The following ATG10 variants were observed in gnomAD, a reference collection of about 807,000 sequenced individuals.
ATG10 encodes ubiquitin-like-conjugating enzyme ATG10.
Under a neutral mutation model 32.1 loss-of-function variants are expected in ATG10, and 30 were observed. The observed-to-expected ratio is 0.94, with a 90% CI of 0.70 to 1.27. The LOEUF (loss-of-function observed/expected upper bound fraction) is 1.27, where lower values mean the gene tolerates loss of function less well. ATG10 is among the 50% of genes most tolerant of loss of function. ATG10 has a pLI of 0.00. For synonymous variants in ATG10, 87 were observed against 91.5 expected (o/e 0.95, Z 0.28); for missense variants, 233 against 262.3 (o/e 0.89, Z 0.77).
intron 2 of ATG10, among the ~76,000 whole-genome samples, chr5:82,014,021 A>G (rs1373473788): frequency 6.6e-6 from 1 of 152,148 alleles, no homozygotes; most frequent in South Asian, 2.1e-4. Flanking sequence ...AGATTCTGGT[A>G]TGTTGTGTCT....
intron 3 of ATG10, among the ~76,000 whole-genome samples, chr5:82,101,235 C>T (rs1031108972): frequency 6.6e-6 from 1 of 152,028 alleles, no homozygotes; most frequent in South Asian, 2.1e-4. Context: ...CTGAGTACTC[C>T]GACTCTGATA....
At chr5:82,208,083 T>C (rs1745366683) in intron 5 of ATG10, among the ~76,000 whole-genome samples, 1 of 152,238 alleles carries the variant, frequency 6.6e-6, no homozygotes, top group African/African-American at 2.4e-5. Context: ...AAAAAGATTG[T>C]GCTTTCTGCA....
chr5:82,248,676 C>T (rs1747128083), intron 5 of ATG10, among the ~76,000 whole-genome samples: 1 of 152,040 alleles, frequency 6.6e-6, no homozygotes, highest in Non-Finnish European at 1.5e-5. Context: ...CCTCTTTATT[C>T]TATCACAGCT....
chr5:82,034,360 C>CT (rs1357172951), intron 2 of ATG10, among the ~76,000 whole-genome samples: 1 of 152,190 alleles, frequency 6.6e-6, no homozygotes, highest in Non-Finnish European at 1.5e-5. Context: ...CCTAATAACT[C>CT]TATCTTCCAC....
Position 82,090,487 on chromosome 5 carries a change from A to G in ATG10, c.216+31885A>G, listed in dbSNP as rs554482835. On this transcript the variant is annotated intron_variant, in intron 3 of 7. Coordinates refer to ENST00000282185, the MANE Select transcript of ATG10 (RefSeq NM_031482.5). Reference sequence around the variant, plus strand: ...ATCAATGGCCAGAGAATGATGCTGAATGAATAGAGTCAGTCTTACAAGGTC... The same window carrying G: ...ATCAATGGCCAGAGAATGATGCTGAGTGAATAGAGTCAGTCTTACAAGGTC... Among the ~76,000 whole-genome samples, 18 of 152,348 alleles carry G rather than the reference A, an allele frequency of 1.2e-4. No homozygotes were observed. In the East Asian group the frequency reaches 3.3e-3, roughly 28 times the overall value.
chr5:82,168,266 A>C (rs1300406751), intron 4 of ATG10, among the ~76,000 whole-genome samples: 1 of 152,196 alleles, frequency 6.6e-6, no homozygotes, highest in Admixed American at 6.5e-5. Flanking sequence ...CCTTAGGCAC[A>C]TACATAATGG....
At chr5:82,031,529 C>T (rs1022010654) in intron 2 of ATG10, among the ~76,000 whole-genome samples, 1 of 152,232 alleles carries the variant, frequency 6.6e-6, no homozygotes, top group Non-Finnish European at 1.5e-5. Flanking sequence ...GCTGTGCCTG[C>T]ATTCACCACT....
chr5:81,990,841 C>G (rs1761431719), intron 2 of ATG10, among the ~76,000 whole-genome samples: 1 of 152,202 alleles, frequency 6.6e-6, no homozygotes, highest in Non-Finnish European at 1.5e-5. Flanking sequence ...CCAAGTGTTA[C>G]CAGATCTTTT....
At chr5:81,976,005 C>CTT (rs568050352) in intron 1 of ATG10, among the ~76,000 whole-genome samples, 2 of 142,944 alleles carry the variant, frequency 1.4e-5, no homozygotes, top group African/African-American at 2.6e-5. Context: ...TTTATTTTAT[C>CTT]TTTTTTTTTT....
chr5:81,999,151 A>G (rs6863967), intron 2 of ATG10, among the ~76,000 whole-genome samples: 12,402 of 151,758 alleles, frequency 0.082, 791 homozygotes, highest in African/African-American at 0.18. Flanking sequence ...GCCAAAAAAA[A>G]AAAAAAAAGC....
At chr5:82,024,182 A>T (rs6887583) in intron 2 of ATG10, among the ~76,000 whole-genome samples, 2,265 of 152,352 alleles carry the variant, frequency 0.015, 42 homozygotes, top group African/African-American at 0.051. Flanking sequence ...AGAAGTGTAT[A>T]GATGGCAGAT....
chr5:81,988,845 G>A (rs1373364578), intron 2 of ATG10, among the ~76,000 whole-genome samples: 3 of 152,012 alleles, frequency 2.0e-5, no homozygotes, highest in Admixed American at 2.0e-4. Flanking sequence ...GTTTTGTTTT[G>A]TTTTGAGACA....
intron 3 of ATG10, among the ~76,000 whole-genome samples, chr5:82,122,274 T>A (rs939728987): frequency 6.6e-6 from 1 of 152,140 alleles, no homozygotes; most frequent in Non-Finnish European, 1.5e-5. Context: ...AAAGACTCCC[T>A]ATTCAAAAAA....
At chr5:82,083,165 G>A (rs544652493) in intron 3 of ATG10, among the ~76,000 whole-genome samples, 8 of 152,262 alleles carry the variant, frequency 5.3e-5, no homozygotes, top group East Asian at 3.9e-4. Flanking sequence ...CTTAGCAAAC[G>A]GCACACCAGG....
intron 3 of ATG10, among the ~76,000 whole-genome samples, chr5:82,063,687 T>A (rs1220691312): frequency 6.6e-6 from 1 of 152,116 alleles, no homozygotes; most frequent in Non-Finnish European, 1.5e-5. Context: ...AGACGGGATT[T>A]CACCATGTTG....
At chr5:82,184,445 C>A (rs1377597210) in intron 5 of ATG10, among the ~76,000 whole-genome samples, 1 of 152,118 alleles carries the variant, frequency 6.6e-6, no homozygotes, top group East Asian at 1.9e-4. Flanking sequence ...AGGATCCCCC[C>A]TTCCCACCCT....
At chr5:81,986,012 C>T (rs920460846) in intron 1 of ATG10, among the ~76,000 whole-genome samples, 1 of 152,164 alleles carries the variant, frequency 6.6e-6, no homozygotes. Context: ...ATCCGCCTGC[C>T]TCGGCCTCCC....
At chr5:81,975,507 C>A (rs1026948277) in intron 1 of ATG10, among the ~76,000 whole-genome samples, 1 of 152,034 alleles carries the variant, frequency 6.6e-6, no homozygotes, top group East Asian at 1.9e-4. Context: ...ATTGCAAAAC[C>A]CTGTCTCTAC....
At chr5:82,133,531 G>T (rs1008811812) in intron 3 of ATG10, among the ~76,000 whole-genome samples, 16 of 152,028 alleles carry the variant, frequency 1.1e-4, no homozygotes, top group African/African-American at 3.9e-4. Context: ...TCAGATGGTT[G>T]TAGATGTGTG....
Sources: gnomAD v4.1 joint callset for allele counts (sites outside exome capture counted in the v4.1 genomes callset) on GRCh38, gnomAD v4.1.1 for gene constraint, MANE v1.5 for transcripts, NCBI Gene and HGNC (gene_info 2026-07-23, HGNC 2026-07-21) for gene names.